Variants in LPGAT1 observed in about 807,000 individuals in gnomAD.
The protein encoded by LPGAT1 is lysophosphatidylglycerol acyltransferase 1.
In LPGAT1, 11 loss-of-function variants were observed where a neutral mutation model predicts 47.5. The observed-to-expected ratio is 0.23, with a 90% CI of 0.15 to 0.38. The LOEUF (loss-of-function observed/expected upper bound fraction) is 0.38, where lower values mean the gene tolerates loss of function less well. Among genes scored for constraint, LPGAT1 ranks in the 10% least tolerant of loss-of-function variants. The pLI, the probability that LPGAT1 is intolerant of heterozygous loss-of-function variation, is 1.00. For missense variants in LPGAT1, 293 were observed against 439.0 expected, an observed-to-expected ratio of 0.67 and a Z score of 2.97; for synonymous variants, 138 against 144.2, an observed-to-expected ratio of 0.96 and a Z score of 0.31.
At chr1:211,798,527 A>T (rs1659440211) in intron 2 of LPGAT1, among the ~76,000 whole-genome samples, 1 of 152,086 alleles carries the variant, frequency 6.6e-6, no homozygotes. Context: ...CTATAAAAAA[A>T]TTTAAAATTA....
At chr1:211,788,420 C>G (rs958601703) in intron 3 of LPGAT1, among the ~76,000 whole-genome samples, 2 of 152,104 alleles carry the variant, frequency 1.3e-5, no homozygotes, top group African/African-American at 2.4e-5. Flanking sequence ...CAGTGGCTCA[C>G]GCCTGTAATC....
Position 211,793,076 on chromosome 1 carries a change from C to T in LPGAT1, c.353G>A (p.Gly118Glu), listed in dbSNP as rs1659201360. Reference protein sequence around the residue: ...CTLMMCLQDKGLVVAQMMWLM... With the variant: ...CTLMMCLQDKELVVAQMMWLM... ...ACTGCCTTCAGGGTAGCTTACCAGT[C>T]CTTTGTCCTGGAGGCACATCATCAG... Residue 118 changes from glycine (G) to glutamate (E), a missense_variant, in exon 3 of 8, where the codon GGA becomes GAA. Physicochemically the swap from Gly to Glu is moderately conservative, Grantham distance 98. Transcript: ENST00000366997. 1.3e-6 allele frequency: 2 copies of T among 1,588,168 alleles called. No homozygotes were observed. Among genetic ancestry groups the T allele is most frequent in the South Asian group, 2.3e-5 (2 of 88,104 alleles).
intron 5 of LPGAT1, among the ~76,000 whole-genome samples, chr1:211,781,074 G>C (rs556073373): frequency 2.6e-4 from 39 of 152,116 alleles, no homozygotes; most frequent in Non-Finnish European, 4.9e-4. Flanking sequence ...GGCATAAAAT[G>C]CTAGTGAATA....
intron 6 of LPGAT1, among the ~76,000 whole-genome samples, chr1:211,767,023 A>T (rs1311462181): frequency 6.7e-6 from 1 of 148,250 alleles, no homozygotes; most frequent in East Asian, 1.9e-4. Context: ...AGGATGATTC[A>T]CCTGATTCTT....
At position 211,830,076 on chromosome 1, in the gene LPGAT1, G is replaced by C. The variant is rs1352781608; in HGVS notation, c.-28+497C>G. On this transcript the variant is annotated intron_variant, in intron 1 of 7. Coordinates refer to ENST00000366997, the MANE Select transcript of LPGAT1 (RefSeq NM_014873.3). This position sits in a 1 kb window ranked among gnomAD's most constrained non-coding sequence, Gnocchi z 5.9. ...GCAAGGAAGCAGGGGATGATGAAAG[G>C]GGCAGAGAAGAGGCGACCGCAGCGC... 2 of 984,426 alleles carry C rather than the reference G, an allele frequency of 2.0e-6. No individual in the cohort carries two copies. Among genetic ancestry groups the C allele is most frequent in the Middle Eastern group, 5.2e-4 (1 of 1,936 alleles). 61.0% of individuals were successfully genotyped at this position (984,426 alleles called of 1,614,324 possible). A position where few individuals can be genotyped will look rare whatever the true frequency, so the allele number is the denominator to read the frequency against.
At chr1:211,772,895 C>A (rs1231236003) in intron 6 of LPGAT1, among the ~76,000 whole-genome samples, 1 of 152,028 alleles carries the variant, frequency 6.6e-6, no homozygotes, top group African/African-American at 2.4e-5. Flanking sequence ...AAGGAAAGAC[C>A]AAAATGATAT....
intron 3 of LPGAT1, among the ~76,000 whole-genome samples, chr1:211,790,538 T>C (rs978117799): frequency 2.6e-5 from 4 of 152,322 alleles, no homozygotes; most frequent in Admixed American, 2.6e-4. Flanking sequence ...AGGGAAAGAT[T>C]ATAATGCTTC....
At position 211,780,978 on chromosome 1, in the gene LPGAT1, C is replaced by T. The variant is rs539259549; in HGVS notation, c.728-1934G>A. 3.3e-5 allele frequency among the ~76,000 whole-genome samples: 5 copies of T among 152,196 alleles called. No individual in the cohort carries two copies. The East Asian group carries it at 9.6e-4, about 29-fold the overall frequency. ...GTTAAATCATGTGATAACAAAAATA[C>T]TAATCCTTTTAATCAGACAGAACTT... On this transcript the variant is annotated intron_variant, in intron 5 of 7. Coordinates refer to ENST00000366997, the MANE Select transcript of LPGAT1 (RefSeq NM_014873.3).
intron 2 of LPGAT1, among the ~76,000 whole-genome samples, chr1:211,796,044 A>G (rs1307087259): frequency 2.6e-5 from 4 of 152,188 alleles, no homozygotes; most frequent in Middle Eastern, 3.4e-3. Context: ...TCTGTGCTAC[A>G]TGAGTGGAAA....
In LPGAT1 at chr1:211,797,315, T is replaced by TC. The variant is rs200511706; in HGVS notation, c.239-4126_239-4125insG. ...GATCAACTTTTCTTTCCTTTTCTTT[T>TC]TTTTTTTTTTTTTTTGAGTCAGGAA... On this transcript the variant is annotated intron_variant, in intron 2 of 7. Transcript: ENST00000366997. Among the ~76,000 whole-genome samples, 58 of 146,036 alleles carry TC rather than the reference T, an allele frequency of 4.0e-4. 1 individual carries two copies. The highest frequency in any genetic ancestry group is 1.7e-3 in the South Asian group (8 of 4,652).
intron 2 of LPGAT1, among the ~76,000 whole-genome samples, chr1:211,801,463 C>T (rs937436202): frequency 2.6e-5 from 4 of 152,102 alleles, no homozygotes; most frequent in Non-Finnish European, 4.4e-5. Flanking sequence ...ACCTGTAATC[C>T]CAGCACTAAG....
chr1:211,768,419 C>T (rs945423020), intron 6 of LPGAT1, among the ~76,000 whole-genome samples: 1 of 152,216 alleles, frequency 6.6e-6, no homozygotes, highest in African/African-American at 2.4e-5. Context: ...TCCCCAGAGG[C>T]ACCCACTGTC....
chr1:211,783,375 G>A lies in LPGAT1; in HGVS notation c.581C>T (p.Thr194Ile), dbSNP rs751219704. 11 of 1,614,118 alleles carry A rather than the reference G, an allele frequency of 6.8e-6. No individual in the cohort carries two copies. The Admixed American group carries it at 1.7e-4, about 24-fold the overall frequency. Residue 194 changes from threonine to isoleucine, a missense_variant, in exon 5 of 8, where the codon ACA becomes ATA. Coordinates refer to ENST00000366997, the MANE Select transcript of LPGAT1 (RefSeq NM_014873.3). Reference protein sequence around the residue: ...EGGFLRKRRETSQAFAKKNNL... With the variant: ...EGGFLRKRREISQAFAKKNNL... ...ATTTTTCTTGGCAAATGCCTGACTT[G>A]TTTCTCGCCTCTTCCTGAGGAAGCC...
At chr1:211,799,121 G>A (rs532025955) in intron 2 of LPGAT1, among the ~76,000 whole-genome samples, 1 of 152,066 alleles carries the variant, frequency 6.6e-6, no homozygotes, top group East Asian at 1.9e-4. Context: ...TTTTAAGCAA[G>A]TACATTGTAC....
At position 211,829,102 on chromosome 1, in the gene LPGAT1, A is replaced by G. The variant is rs1241703314; in HGVS notation, c.195T>C (p.Leu65=). The G allele has an allele frequency of 1.2e-6, 2 of 1,614,176 alleles. No individual in the cohort carries two copies. The highest frequency in any genetic ancestry group is 1.7e-5 in the Admixed American group (1 of 60,018). ...WYIEGIMYKW[L]LGMVASWGWY... The stretch of plus-strand genomic sequence containing the variant: ...ATCCCCAGGAAGCTACCATTCCTAA[A>G]AGCCATTTATACATGATTCCTTCGA... The change falls in exon 2 of 8, where the codon CTT becomes CTC. Residue 65 remains leucine (L), a synonymous_variant. Transcript: ENST00000366997.
At chr1:211,813,922 A>T (rs1660085997) in intron 2 of LPGAT1, among the ~76,000 whole-genome samples, 1 of 152,230 alleles carries the variant, frequency 6.6e-6, no homozygotes, top group African/African-American at 2.4e-5. Flanking sequence ...AATAGTCAAG[A>T]ACATGAAGGA....
At chr1:211,776,651 G>A (rs1171187624) in intron 6 of LPGAT1, among the ~76,000 whole-genome samples, 1 of 151,382 alleles carries the variant, frequency 6.6e-6, no homozygotes, top group East Asian at 1.9e-4. Context: ...AGTCTGCTAA[G>A]ATGAAAACAA....
Position 211,787,616 on chromosome 1 carries a change from A to G in LPGAT1, c.453+16T>C. 1 of 1,411,830 alleles carries G rather than the reference A, an allele frequency of 7.1e-7. No individual in the cohort carries two copies. The highest frequency in any genetic ancestry group is 9.9e-7 in the Non-Finnish European group (1 of 1,011,190). The allele number at this position is 1,411,830 out of a possible 1,614,324, so 87.5% of individuals were successfully genotyped here. On this transcript the variant is annotated intron_variant, in intron 4 of 7. Coordinates refer to ENST00000366997, the MANE Select transcript of LPGAT1 (RefSeq NM_014873.3). ...GACCAGGCTATCACTGCGGGGAAAA[A>G]GTGCTCATTACTTACCTGTCTTATA...
intron 4 of LPGAT1, among the ~76,000 whole-genome samples, chr1:211,784,979 G>A (rs532704255): frequency 4.7e-4 from 72 of 151,640 alleles, no homozygotes; most frequent in East Asian, 1.6e-3. Context: ...AATTTTTTTT[G>A]TTTTTAGTAG....
Sources: gnomAD v4.1 joint callset for allele counts (sites outside exome capture counted in the v4.1 genomes callset) on GRCh38, gnomAD v4.1.1 for gene constraint, Gnocchi (gnomAD v3.1) non-coding constraint, MANE v1.5 for transcripts, NCBI Gene and HGNC (gene_info 2026-07-23, HGNC 2026-07-21) for gene names.